ITPR2: variants seen among roughly 807,000 people sequenced by gnomAD.
The protein encoded by ITPR2 is inositol 1,4,5-trisphosphate-gated calcium channel ITPR2.
In ITPR2, 207 loss-of-function variants were observed where a neutral mutation model predicts 317.1. The ratio of observed to expected loss-of-function variants is 0.65; its 90% CI spans 0.58 to 0.73. The LOEUF (loss-of-function observed/expected upper bound fraction) is 0.73, where lower values mean the gene tolerates loss of function less well. Among genes scored for constraint, ITPR2 ranks in the 30% least tolerant of loss-of-function variants. ITPR2 has a pLI of 0.00. For synonymous variants in ITPR2, 1,156 were observed against 1,149.1 expected (o/e 1.01, Z -0.12); for missense variants, 2,613 against 3,284.0 (o/e 0.80, Z 4.99).
chr12:26,751,970 TAG>T (rs550622538), intron 2 of ITPR2, among the ~76,000 whole-genome samples: 108 of 152,252 alleles, frequency 7.1e-4, no homozygotes, highest in African/African-American at 2.5e-3. Flanking sequence ...CCCAGAATTA[TAG>T]AGATATGTCT....
intron 2 of ITPR2, among the ~76,000 whole-genome samples, chr12:26,751,560 A>C (rs554163539): frequency 6.4e-4 from 97 of 152,278 alleles, no homozygotes; most frequent in African/African-American, 2.3e-3. Context: ...GAAATATCAA[A>C]AAATCATCTT....
chr12:26,481,053 T>C, intron 43 of ITPR2, 78 bp downstream of exon 43: 1 of 763,656 alleles, frequency 1.3e-6, no homozygotes, highest in Non-Finnish European at 2.2e-6. Flanking sequence ...CATGATAATA[T>C]GCTTTTGACA....
intron 55 of ITPR2, among the ~76,000 whole-genome samples, chr12:26,358,745 G>T (rs563128623): frequency 6.6e-6 from 1 of 152,168 alleles, no homozygotes; most frequent in African/African-American, 2.4e-5. Context: ...TAGCCCAGGG[G>T]GCCTTAAGTG....
intron 39 of ITPR2, among the ~76,000 whole-genome samples, chr12:26,489,859 G>T (rs1565556662): frequency 1.3e-5 from 2 of 152,314 alleles, no homozygotes; most frequent in South Asian, 4.1e-4. Context: ...TTTTGGCTAA[G>T]GAGACAGTGA....
intron 43 of ITPR2, among the ~76,000 whole-genome samples, chr12:26,479,608 T>C (rs1003306541): frequency 6.6e-6 from 1 of 152,226 alleles, no homozygotes; most frequent in African/African-American, 2.4e-5. Context: ...TTAAGCTGAC[T>C]ATCTTACAGG....
intron 55 of ITPR2, among the ~76,000 whole-genome samples, chr12:26,381,395 T>G (rs1351787065): frequency 6.6e-6 from 1 of 152,176 alleles, no homozygotes; most frequent in African/African-American, 2.4e-5. Context: ...CAATAAATGT[T>G]TTGAGTTTCG....
intron 26 of ITPR2, among the ~76,000 whole-genome samples, chr12:26,607,573 G>A (rs142110601): frequency 6.6e-6 from 1 of 151,926 alleles, no homozygotes; most frequent in Admixed American, 6.6e-5. Flanking sequence ...CATGGTTGTC[G>A]GTTTCTGCTT....
At chr12:26,826,371 G>C (rs1182185690) in intron 1 of ITPR2, among the ~76,000 whole-genome samples, 2 of 152,148 alleles carry the variant, frequency 1.3e-5, no homozygotes, top group African/African-American at 2.4e-5. Context: ...AGAAATTTGA[G>C]GGACTATAAT....
At chr12:26,782,001 T>A (rs1237363112) in intron 2 of ITPR2, among the ~76,000 whole-genome samples, 7 of 15,336 alleles carry the variant, frequency 4.6e-4, no homozygotes, top group Admixed American at 1.1e-3. Context: ...TGTATATATA[T>A]ATATATATAT....
chr12:26,351,780 C>T (rs530049785), intron 55 of ITPR2, among the ~76,000 whole-genome samples: 8 of 152,380 alleles, frequency 5.3e-5, no homozygotes, highest in South Asian at 2.1e-4. Flanking sequence ...CTGAATTCTA[C>T]TGAATCTCCT....
intron 48 of ITPR2, among the ~76,000 whole-genome samples, chr12:26,434,810 C>T (rs564427721): frequency 3.3e-5 from 5 of 152,168 alleles, no homozygotes; most frequent in African/African-American, 1.2e-4. Flanking sequence ...AACTGGGACT[C>T]TATAATCTTC....
intron 4 of ITPR2, among the ~76,000 whole-genome samples, chr12:26,723,290 T>C (rs572710203): frequency 2.6e-5 from 4 of 152,200 alleles, no homozygotes; most frequent in East Asian, 3.9e-4. Flanking sequence ...GGTTCTTTAA[T>C]TGAAAAAAAA....
chr12:26,693,755 C>T (rs907233304), intron 10 of ITPR2, among the ~76,000 whole-genome samples: 2 of 152,010 alleles, frequency 1.3e-5, no homozygotes, highest in African/African-American at 4.8e-5. Context: ...GCTGTATCAC[C>T]GAATATTATG....
chr12:26,509,673 A>C (rs1943278783), intron 37 of ITPR2, among the ~76,000 whole-genome samples: 2 of 152,178 alleles, frequency 1.3e-5, no homozygotes, highest in Non-Finnish European at 2.9e-5. Context: ...GTATGTGTCA[A>C]TTAGGAGCCA....
intron 2 of ITPR2, among the ~76,000 whole-genome samples, chr12:26,779,012 T>G (rs948291542): frequency 2.6e-5 from 4 of 152,164 alleles, no homozygotes; most frequent in African/African-American, 9.7e-5. Context: ...ACTCATTTAT[T>G]GAGTGACCCG....
At chr12:26,666,816 C>G (rs748446309) in intron 13 of ITPR2, among the ~76,000 whole-genome samples, 1 of 152,162 alleles carries the variant, frequency 6.6e-6, no homozygotes, top group Non-Finnish European at 1.5e-5. Flanking sequence ...GTCTTGAAAG[C>G]CTTCCTCTCT....
intron 2 of ITPR2, among the ~76,000 whole-genome samples, chr12:26,786,449 T>TAAAAAAAAAAAAAAAAA (rs59014121): frequency 1.4e-4 from 17 of 119,214 alleles, no homozygotes; most frequent in African/African-American, 5.6e-4. Context: ...GAATGATCAA[T>TAAAAAAAAAAAAAAAAA]AAAAAAAAAA....
intron 33 of ITPR2, 87 bp downstream of exon 33, chr12:26,579,937 TAGG>T: frequency 1.1e-6 from 1 of 947,224 alleles, no homozygotes; most frequent in South Asian, 1.7e-5. Context: ...ATCTGAAGTG[TAGG>T]AGATGACTTC....
Position 26,624,357 on chromosome 12 carries a change from C to A in ITPR2, c.3065-1G>T. 6.2e-7 allele frequency: 1 copy of A among 1,604,234 alleles called. No individual in the cohort carries two copies. The highest frequency in any genetic ancestry group is 1.1e-5 in the South Asian group (1 of 89,864). On this transcript the variant is annotated splice_acceptor_variant, in intron 23 of 56. Transcript: ENST00000381340. LOFTEE classifies it high-confidence loss of function. The stretch of plus-strand genomic sequence containing the variant: ...ATTTCATCTATATCAGGAACAATAG[C>A]TGCAAAGATAAATGGTAAAATCTCT...
Sources: gnomAD v4.1 joint callset for allele counts (sites outside exome capture counted in the v4.1 genomes callset) on GRCh38, gnomAD v4.1.1 for gene constraint, MANE v1.5 for transcripts, NCBI Gene and HGNC (gene_info 2026-07-23, HGNC 2026-07-21) for gene names.